CSMD1: variants seen among roughly 807,000 people sequenced by gnomAD.
CSMD1 encodes CUB and sushi domain-containing protein 1.
Under a neutral mutation model 417.5 loss-of-function variants are expected in CSMD1, and 213 were observed. The ratio of observed to expected loss-of-function variants is 0.51; its 90% CI spans 0.46 to 0.57. The LOEUF is 0.57. Among genes scored for constraint, CSMD1 ranks in the 20% least tolerant of loss-of-function variants. The pLI, the probability that CSMD1 is intolerant of heterozygous loss-of-function variation, is 0.00. For missense variants in CSMD1, 6,923 were observed against 4,529.7 expected, an observed-to-expected ratio of 1.53 and a Z score of -15.17; for synonymous variants, 2,862 against 1,736.8, an observed-to-expected ratio of 1.65 and a Z score of -16.11.
chr8:4,260,025 CTT>C lies in CSMD1; in HGVS notation c.415+159926_415+159927del, dbSNP rs5889029. Among the ~76,000 whole-genome samples the C allele has an allele frequency of 1.6e-3, 239 of 150,538 alleles. 1 individual carries two copies. Among genetic ancestry groups the C allele is most frequent in the East Asian group, 0.01 (52 of 5,126 alleles). ...CAGTTAACATGTCTTCTTGTGCACA[CTT>C]TTTTTTTTTTAACACATACTTGAAA... On this transcript the variant is annotated intron_variant, in intron 3 of 69. Coordinates refer to ENST00000635120, the MANE Select transcript of CSMD1 (RefSeq NM_033225.6).
intron 4 of CSMD1, among the ~76,000 whole-genome samples, chr8:4,025,205 G>C (rs1201306147): frequency 6.6e-6 from 1 of 152,220 alleles, no homozygotes. Flanking sequence ...TTCTGGATCA[G>C]ATGTTAGCTT....
At chr8:4,394,038 G>T (rs768695351) in intron 3 of CSMD1, among the ~76,000 whole-genome samples, 1 of 152,146 alleles carries the variant, frequency 6.6e-6, no homozygotes, top group Non-Finnish European at 1.5e-5. Flanking sequence ...ACACCTCAGT[G>T]AAGGGCTAAT....
At chr8:3,625,533 G>C (rs1024700992) in intron 7 of CSMD1, among the ~76,000 whole-genome samples, 1 of 151,800 alleles carries the variant, frequency 6.6e-6, no homozygotes, top group African/African-American at 2.4e-5. Context: ...CATGTTCTCT[G>C]GTCTCTAACT....
intron 3 of CSMD1, among the ~76,000 whole-genome samples, chr8:4,047,571 T>C (rs542780819): frequency 5.9e-5 from 9 of 152,210 alleles, no homozygotes; most frequent in African/African-American, 1.9e-4. Flanking sequence ...ATGCAAATTA[T>C]GTTGAATATT....
At chr8:4,210,198 C>G (rs545494575) in intron 3 of CSMD1, among the ~76,000 whole-genome samples, 2 of 152,322 alleles carry the variant, frequency 1.3e-5, no homozygotes, top group East Asian at 1.9e-4. Flanking sequence ...AGCTCCTTCA[C>G]TCCCTCCCCA....
chr8:4,193,747 G>A (rs928190588), intron 3 of CSMD1, among the ~76,000 whole-genome samples: 3 of 152,138 alleles, frequency 2.0e-5, no homozygotes, highest in Non-Finnish European at 4.4e-5. Context: ...TGTTTAACAA[G>A]TGATTTTGGC....
At position 4,971,344 on chromosome 8, in the gene CSMD1, T is replaced by C. The variant is rs1810224609; in HGVS notation, c.85+22988A>G. ...AATTAACTCTGATACTAAAAAATAA[T>C]CTCAACAACTCTATGGTAAAATAGA... On this transcript the variant is annotated intron_variant, in intron 1 of 69. Coordinates refer to ENST00000635120, the MANE Select transcript of CSMD1 (RefSeq NM_033225.6). 3.3e-5 allele frequency among the ~76,000 whole-genome samples: 5 copies of C among 152,162 alleles called. No homozygotes were observed. In the South Asian group the frequency reaches 1.0e-3, roughly 32 times the overall value.
In CSMD1 at chr8:3,244,372, G is replaced by C. The variant is rs111780616; in HGVS notation, c.4154-14141C>G. ...CCTCTTAGTTATGCAAACCTAGGAC[G>C]TGTCCTCCCCCATTACCCTGGAGAG... On this transcript the variant is annotated intron_variant, in intron 26 of 69. Transcript: ENST00000635120. Among the ~76,000 whole-genome samples, 14 of 152,264 alleles carry C rather than the reference G, an allele frequency of 9.2e-5. No individual in the cohort carries two copies. In the East Asian group the frequency reaches 9.7e-4, roughly 11 times the overall value.
intron 5 of CSMD1, among the ~76,000 whole-genome samples, chr8:3,937,466 C>T (rs774289538): frequency 3.3e-5 from 5 of 152,090 alleles, no homozygotes; most frequent in South Asian, 2.1e-4. Flanking sequence ...TCAACATTGA[C>T]GAAAGACCTT....
intron 4 of CSMD1, 117 bp downstream of exon 4, chr8:4,031,788 T>A: frequency 1.4e-6 from 1 of 716,440 alleles, no homozygotes; most frequent in African/African-American, 1.8e-5. Flanking sequence ...GAGCTGACAT[T>A]GTAAGAGTCA....
chr8:3,721,079 T>A (rs1456123933), intron 6 of CSMD1, among the ~76,000 whole-genome samples: 1 of 152,148 alleles, frequency 6.6e-6, no homozygotes, highest in East Asian at 1.9e-4. Flanking sequence ...CGCCTCGGCC[T>A]CCCAAAGTGC....
chr8:4,003,172 T>A (rs916905467), intron 4 of CSMD1, among the ~76,000 whole-genome samples: 1 of 152,056 alleles, frequency 6.6e-6, no homozygotes, highest in Non-Finnish European at 1.5e-5. Context: ...GGAGGGTGGA[T>A]CACGAGGTCA....
At chr8:4,351,177 G>C (rs1211820508) in intron 3 of CSMD1, among the ~76,000 whole-genome samples, 3 of 151,740 alleles carry the variant, frequency 2.0e-5, no homozygotes, top group Admixed American at 6.6e-5. Flanking sequence ...ATTAGGGAAA[G>C]AACAAATGAC....
intron 2 of CSMD1, among the ~76,000 whole-genome samples, chr8:4,530,840 C>A (rs78600913): frequency 1.1e-4 from 16 of 152,070 alleles, no homozygotes; most frequent in African/African-American, 3.6e-4. Flanking sequence ...GCAGCGCTTT[C>A]TTTTCCTTAT....
intron 1 of CSMD1, among the ~76,000 whole-genome samples, chr8:4,679,509 C>G (rs1805904804): frequency 6.6e-6 from 1 of 152,202 alleles, no homozygotes; most frequent in Admixed American, 6.5e-5. Flanking sequence ...TGAGTCTAGA[C>G]TTCGCTTCTG....
At chr8:3,206,565 A>ATG (rs67690876) in intron 30 of CSMD1, among the ~76,000 whole-genome samples, 2,209 of 96,778 alleles carry the variant, frequency 0.023, 75 homozygotes, top group African/African-American at 0.085. Flanking sequence ...CTGTGTGTGT[A>ATG]TGTGTGTGTG....
intron 8 of CSMD1, among the ~76,000 whole-genome samples, chr8:3,613,658 G>A (rs988078813): frequency 6.6e-6 from 1 of 150,528 alleles, no homozygotes; most frequent in Non-Finnish European, 1.5e-5. Flanking sequence ...CATGTCAATA[G>A]ATGTAGAAAC....
intron 3 of CSMD1, among the ~76,000 whole-genome samples, chr8:4,187,416 G>T (rs180939810): frequency 6.6e-6 from 1 of 152,126 alleles, no homozygotes; most frequent in Non-Finnish European, 1.5e-5. Flanking sequence ...GGAGGCCAAG[G>T]CAGGCAGATC....
At chr8:4,549,942 G>T (rs1240549150) in intron 2 of CSMD1, among the ~76,000 whole-genome samples, 1 of 147,956 alleles carries the variant, frequency 6.8e-6, no homozygotes, top group Non-Finnish European at 1.5e-5. Context: ...ACATTACTTA[G>T]GTGAATGGCC....
Sources: allele counts gnomAD v4.1 joint callset (sites outside exome capture counted in the v4.1 genomes callset), GRCh38; gene constraint gnomAD v4.1.1; transcripts MANE v1.5; gene names NCBI Gene and HGNC (gene_info 2026-07-23, HGNC 2026-07-21).